INPP4A: variants seen among roughly 807,000 people sequenced by gnomAD.
INPP4A encodes inositol polyphosphate-4-phosphatase type I A, also known as inositol polyphosphate-4-phosphatase, type I, 107kD.
INPP4A carries 33 observed loss-of-function variants against 119.8 expected under a neutral mutation model. The ratio of observed to expected loss-of-function variants is 0.28; its 90% confidence interval spans 0.21 to 0.37. The LOEUF is 0.37. INPP4A is among the 10% of genes least tolerant of loss of function. The probability of loss-of-function intolerance (pLI) is 1.00; values close to 1 mark genes in which losing one functional copy is unlikely to be tolerated. For synonymous variants in INPP4A, 496 were observed against 500.7 expected, an observed-to-expected ratio of 0.99 and a Z score of 0.12; for missense variants, 956 against 1,289.9, an observed-to-expected ratio of 0.74 and a Z score of 3.97.
chr2:98,461,962 C>G (rs1697242011), intron 1 of INPP4A, among the ~76,000 whole-genome samples: 1 of 152,212 alleles, frequency 6.6e-6, no homozygotes, highest in African/African-American at 2.4e-5. Context: ...GCTGCACCCC[C>G]CTTGCTCTGA....
At chr2:98,530,406 A>C (rs1199573277) in intron 4 of INPP4A, among the ~76,000 whole-genome samples, 3 of 152,178 alleles carry the variant, frequency 2.0e-5, no homozygotes, top group African/African-American at 7.2e-5. Context: ...GAGAAGTGGC[A>C]GGGATTGCTT....
At chr2:98,575,124 T>G (rs1450022526) in intron 23 of INPP4A, among the ~76,000 whole-genome samples, 2 of 152,200 alleles carry the variant, frequency 1.3e-5, no homozygotes, top group East Asian at 3.8e-4. Context: ...TTCTTTTTGT[T>G]TGTGTGTATG....
intron 1 of INPP4A, among the ~76,000 whole-genome samples, chr2:98,514,161 C>A (rs1685661677): frequency 6.6e-6 from 1 of 152,198 alleles, no homozygotes; most frequent in African/African-American, 2.4e-5. Flanking sequence ...ACGTTAAAGT[C>A]ATCTCACACC....
At chr2:98,454,101 C>T (rs1407611229) in intron 1 of INPP4A, among the ~76,000 whole-genome samples, 2 of 151,966 alleles carry the variant, frequency 1.3e-5, no homozygotes, top group East Asian at 1.9e-4. Context: ...GGCAAAACTC[C>T]CTCTCAAAAA....
intron 1 of INPP4A, among the ~76,000 whole-genome samples, chr2:98,466,281 A>G (rs963767057): frequency 6.6e-6 from 1 of 152,198 alleles, no homozygotes; most frequent in Admixed American, 6.5e-5. Context: ...CTTGACCTCA[A>G]GCAATCTGCC....
chr2:98,486,192 T>C (rs1455163163), intron 1 of INPP4A, among the ~76,000 whole-genome samples: 2 of 152,244 alleles, frequency 1.3e-5, no homozygotes, highest in Non-Finnish European at 2.9e-5. Context: ...TGATGCTCTT[T>C]CCTGGAGTCT....
At chr2:98,512,122 C>G (rs1021731554) in intron 1 of INPP4A, among the ~76,000 whole-genome samples, 7 of 152,234 alleles carry the variant, frequency 4.6e-5, no homozygotes, top group African/African-American at 1.7e-4. Flanking sequence ...GCCAAGGTGA[C>G]AACCTCACAG....
Position 98,572,862 on chromosome 2 carries a change from T to C in INPP4A, c.2566T>C (p.Phe856Leu). The change falls in exon 23 of 25, where the codon TTT (phenylalanine) becomes CTT (leucine). Residue 856 changes from phenylalanine (F) to leucine (L), a missense_variant. Physicochemically the swap from Phe to Leu is conservative, Grantham distance 22. Around this residue, in one of 2 missense-constraint regions of INPP4A, gnomAD observed 304 missense variants for 492.1 expected, o/e 0.62. Transcript: ENST00000409851. The part of the protein sequence containing the change: ...SQTCLPELLR[F>L]LGQNVHARKN... ...GACGTGCCTGCCAGAGCTGCTGCGG[T>C]TTCTGGGTCAGAACGTGCATGCCCG... 2 of 1,578,058 alleles carry C rather than the reference T, an allele frequency of 1.3e-6. No homozygotes were observed. Among genetic ancestry groups the C allele is most frequent in the Non-Finnish European group, 1.7e-6 (2 of 1,162,112 alleles).
intron 1 of INPP4A, among the ~76,000 whole-genome samples, chr2:98,461,582 A>G (rs763228484): frequency 1.3e-5 from 2 of 152,240 alleles, no homozygotes; most frequent in African/African-American, 2.4e-5. Flanking sequence ...TAAAAATTGT[A>G]AAATATAGCA....
intron 1 of INPP4A, among the ~76,000 whole-genome samples, chr2:98,446,865 T>C (rs1305236508): frequency 6.6e-6 from 1 of 152,016 alleles, no homozygotes; most frequent in Non-Finnish European, 1.5e-5. Context: ...TAAAAAAAAA[T>C]CACTTTAAGG....
chr2:98,555,352 C>T (rs750328907), intron 15 of INPP4A, among the ~76,000 whole-genome samples: 4 of 152,174 alleles, frequency 2.6e-5, no homozygotes, highest in South Asian at 2.1e-4. Context: ...AAACAATGGC[C>T]GCAGGACATC....
At chr2:98,520,895 T>C (rs1055854721) in intron 4 of INPP4A, 164 bp downstream of exon 4, 1 of 542,284 alleles carries the variant, frequency 1.8e-6, no homozygotes, top group African/African-American at 2.0e-5. Context: ...TGTGAACTTC[T>C]GTGGATGGGA....
At chr2:98,499,332 A>C (rs553685023) in intron 1 of INPP4A, among the ~76,000 whole-genome samples, 5 of 152,294 alleles carry the variant, frequency 3.3e-5, no homozygotes, top group South Asian at 4.2e-4. Context: ...CCTCCCCTCA[A>C]ACAGTGGTGG....
At position 98,500,927 on chromosome 2, in the gene INPP4A, G is replaced by A. The variant is rs1682995741; in HGVS notation, c.-165-18037G>A. Among the ~76,000 whole-genome samples, 5 of 152,346 alleles carry A rather than the reference G, an allele frequency of 3.3e-5. No homozygotes were observed. The South Asian group carries it at 1.0e-3, about 32-fold the overall frequency. ...ACTGCCACTGGTGGAATGGCTGCAA[G>A]CCTTATATTTGAAGAGTTAAATTTG... On this transcript the variant is annotated intron_variant, in intron 1 of 24. Coordinates refer to ENST00000409851, the MANE Select transcript of INPP4A (RefSeq NM_001134225.2).
rs1281592914 is a variant in INPP4A at position 98,589,577 on chromosome 2, T to G, written c.*1969T>G. 5.6e-6 allele frequency: 1 copy of G among 179,282 alleles called. No homozygotes were observed. Among genetic ancestry groups the G allele is most frequent in the Non-Finnish European group, 1.2e-5 (1 of 83,648 alleles). The allele number at this position is 179,282 out of a possible 1,614,324, so 11.1% of individuals were successfully genotyped here. ...AATTATTTTCCCAATTTTTGCTCTA[T>G]GTAATGGGTCACCATAAAACTGTAA... On this transcript the variant is annotated 3_prime_UTR_variant, in exon 25 of 25. Coordinates refer to ENST00000409851, the MANE Select transcript of INPP4A (RefSeq NM_001134225.2).
chr2:98,480,280 C>T (rs985317961), intron 1 of INPP4A, among the ~76,000 whole-genome samples: 2 of 152,238 alleles, frequency 1.3e-5, no homozygotes, highest in Admixed American at 1.3e-4. Flanking sequence ...GCTCACTGAG[C>T]ATTTACCATA....
intron 1 of INPP4A, among the ~76,000 whole-genome samples, chr2:98,501,951 T>C (rs1683206555): frequency 6.6e-6 from 1 of 152,238 alleles, no homozygotes; most frequent in Non-Finnish European, 1.5e-5. Flanking sequence ...TCTTGGCCTG[T>C]GCAGGTTTCT....
At chr2:98,484,114 T>C (rs1020117155) in intron 1 of INPP4A, among the ~76,000 whole-genome samples, 6 of 152,082 alleles carry the variant, frequency 3.9e-5, no homozygotes, top group Admixed American at 3.9e-4. Context: ...TACCATCCCC[T>C]CCACTCCTGT....
At chr2:98,525,929 T>A (rs1390114821) in intron 4 of INPP4A, among the ~76,000 whole-genome samples, 1 of 152,216 alleles carries the variant, frequency 6.6e-6, no homozygotes, top group African/African-American at 2.4e-5. Flanking sequence ...TGGCTTCTCA[T>A]AAAGTTAAAT....
Sources: allele counts gnomAD v4.1 joint callset (sites outside exome capture counted in the v4.1 genomes callset), GRCh38; gene constraint gnomAD v4.1.1; regional missense constraint gnomAD v4.1.1; transcripts MANE v1.5; gene names NCBI Gene and HGNC (gene_info 2026-07-23, HGNC 2026-07-21).